GCM1: variants seen among roughly 807,000 people sequenced by gnomAD.
GCM1 encodes the protein chorion-specific transcription factor GCMa.
In GCM1, 2 loss-of-function variants were observed where a neutral mutation model predicts 25.7. That is an observed-to-expected ratio of 0.08 (90% CI 0.03 to 0.24). The LOEUF (loss-of-function observed/expected upper bound fraction) is 0.24. Among genes scored for constraint, GCM1 ranks in the 10% least tolerant of loss-of-function variants. GCM1 has a pLI of 1.00. For synonymous variants in GCM1, 183 were observed against 195.7 expected (o/e 0.94, Z 0.54); for missense variants, 395 against 538.7 (o/e 0.73, Z 2.64).
At chr6:53,135,372 C>G (rs1763783853) in intron 2 of GCM1, among the ~76,000 whole-genome samples, 1 of 152,234 alleles carries the variant, frequency 6.6e-6, no homozygotes, top group Non-Finnish European at 1.5e-5. Flanking sequence ...ATTTTGCTCT[C>G]TGTGCCTCTG....
rs565025520 is a variant in GCM1 at position 53,135,655 on chromosome 6, T to G, written c.76-1331A>C. ...TAGGCTGTGCCCATGCCCTACGGCTTTCAGAGACTTAGCATGGTGTAAGAA... is the reference window on the plus strand; with the variant it reads ...TAGGCTGTGCCCATGCCCTACGGCTGTCAGAGACTTAGCATGGTGTAAGAA... On this transcript the variant is annotated intron_variant, in intron 2 of 5. Coordinates refer to ENST00000259803, the MANE Select transcript of GCM1 (RefSeq NM_003643.4). Among the ~76,000 whole-genome samples the G allele has an allele frequency of 6.6e-5, 10 of 152,312 alleles. No homozygotes were observed. In the South Asian group the frequency reaches 2.1e-3, roughly 32 times the overall value.
In GCM1 at chr6:53,128,711, G is replaced by C; in HGVS notation, c.806C>G (p.Ser269Cys). 6.2e-7 allele frequency: 1 copy of C among 1,614,082 alleles called. No individual in the cohort carries two copies. ...PMKLYEKRKL[S>C]SSRTYSSGDL... ...TCCACTACTGTAGGTTCTGCTACTG[G>C]ACAATTTGCGCTTTTCATAGAGCTT... Residue 269 changes from serine (S) to cysteine (C), a missense_variant, in exon 6 of 6, where the codon TCC (serine) becomes TGC (cysteine). Transcript: ENST00000259803.
chr6:53,138,363 A>G (rs971358135), intron 2 of GCM1, among the ~76,000 whole-genome samples: 1 of 151,840 alleles, frequency 6.6e-6, no homozygotes, highest in Non-Finnish European at 1.5e-5. Flanking sequence ...ACTCACATCA[A>G]GCTAGTCTCT....
At chr6:53,142,231 G>T (rs922683705) in intron 2 of GCM1, among the ~76,000 whole-genome samples, 9 of 152,014 alleles carry the variant, frequency 5.9e-5, no homozygotes, top group Admixed American at 5.9e-4. Context: ...TGAAATTAGA[G>T]AAATTTATAA....
intron 2 of GCM1, among the ~76,000 whole-genome samples, chr6:53,143,853 G>A (rs1763914867): frequency 6.6e-6 from 1 of 151,680 alleles, no homozygotes; most frequent in African/African-American, 2.4e-5. Flanking sequence ...AGGGGGTGGG[G>A]TTGGAAGTTA....
In GCM1 at chr6:53,138,820, C is replaced by T. The variant is rs549042616; in HGVS notation, c.76-4496G>A. Among the ~76,000 whole-genome samples the T allele has an allele frequency of 3.3e-5, 5 of 152,230 alleles. No homozygotes were observed. In the South Asian group the frequency reaches 8.3e-4, roughly 25 times the overall value. ...ACTTCTGGGTATAATTTTTTACTAA[C>T]AGATTTAATCCTCTAACTCAATCAA... On this transcript the variant is annotated intron_variant, in intron 2 of 5. Coordinates refer to ENST00000259803, the MANE Select transcript of GCM1 (RefSeq NM_003643.4).
At chr6:53,145,320 G>T (rs1763938874) in intron 2 of GCM1, among the ~76,000 whole-genome samples, 2 of 152,186 alleles carry the variant, frequency 1.3e-5, no homozygotes, top group African/African-American at 4.8e-5. Context: ...GAGAAGGGAA[G>T]TAGAAATTTC....
At position 53,141,927 on chromosome 6, in the gene GCM1, C is replaced by A. The variant is rs544698059; in HGVS notation, c.75+3631G>T. Among the ~76,000 whole-genome samples, 239 of 131,558 alleles carry A rather than the reference C, an allele frequency of 1.8e-3. 1 individual carries two copies. Among genetic ancestry groups the A allele is most frequent in the African/African-American group, 6.7e-3 (236 of 35,252 alleles). 86.3% of individuals were successfully genotyped at this position (131,558 alleles called of 152,430 possible). ...GCTGGGTTGAGAGAATCACCTAAGC[C>A]CGGGAATTCAAGGCTGTGGTGAGCT... On this transcript the variant is annotated intron_variant, in intron 2 of 5. Transcript: ENST00000259803.
Position 53,128,108 on chromosome 6 carries a change from T to C in GCM1, c.*98A>G, listed in dbSNP as rs1396618553. ...GTCTACTGCTTATCATGATTCTCAT[T>C]TATCTGTGGTTATGTTTTAAAAATT... On this transcript the variant is annotated 3_prime_UTR_variant, in exon 6 of 6. Coordinates refer to ENST00000259803, the MANE Select transcript of GCM1 (RefSeq NM_003643.4). 6 of 810,850 alleles carry C rather than the reference T, an allele frequency of 7.4e-6. No individual in the cohort carries two copies. Among genetic ancestry groups the C allele is most frequent in the Non-Finnish European group, 1.2e-5 (6 of 510,396 alleles). The allele number at this position is 810,850 out of a possible 1,614,324, so 50.2% of individuals were successfully genotyped here.
chr6:53,128,758 C>T lies in GCM1; in HGVS notation c.759G>A (p.Gln253=). Residue 253 remains glutamine (Q), a synonymous_variant, in exon 6 of 6, where the codon CAG becomes CAA. Transcript: ENST00000259803. ...GCTTCATGGGGTCCACAGTGGAAGT[C>T]TGGTCAGTCAGATCTGTGATTCCTC... ...GLGGITDLTD[Q]TSTVDPMKLY... 6.2e-7 allele frequency: 1 copy of T among 1,613,666 alleles called. No individual in the cohort carries two copies. Among genetic ancestry groups the T allele is most frequent in the Non-Finnish European group, 8.5e-7 (1 of 1,179,558 alleles).
chr6:53,143,103 C>T (rs1294593792), intron 2 of GCM1, among the ~76,000 whole-genome samples: 1 of 152,148 alleles, frequency 6.6e-6, no homozygotes, highest in Non-Finnish European at 1.5e-5. Flanking sequence ...GGTATTCTCT[C>T]TACTCAGAAA....
rs1189038150 is a variant in GCM1 at position 53,128,563 on chromosome 6, A to G, written c.954T>C (p.Phe318=). 1 of 1,613,888 alleles carries G rather than the reference A, an allele frequency of 6.2e-7. No individual in the cohort carries two copies. Among genetic ancestry groups the G allele is most frequent in the African/African-American group, 1.3e-5 (1 of 74,904 alleles). Residue 318 remains phenylalanine (F), a synonymous_variant, in exon 6 of 6, where the codon TTT becomes TTC. Coordinates refer to ENST00000259803, the MANE Select transcript of GCM1 (RefSeq NM_003643.4). ...AGCTGCAAGGCCAGCTGGTCAGAGG[A>G]AAAGGATAATTGGAATAACAGTTGT... is the stretch of plus-strand genomic sequence containing the variant. ...LADNCYSNYP[F]PLTSWPCSFS...
At position 53,145,692 on chromosome 6, in the gene GCM1, A is replaced by G. The variant is rs376763700; in HGVS notation, c.-60T>C. 9.3e-5 allele frequency: 90 copies of G among 964,466 alleles called. No individual in the cohort carries two copies. In the African/African-American group the frequency reaches 1.1e-3, roughly 12 times the overall value. The allele number at this position is 964,466 out of a possible 1,614,324, so 59.7% of individuals were successfully genotyped here. A position where few individuals can be genotyped will look rare whatever the true frequency, so the allele number is the denominator to read the frequency against. ...CGACTCCCCTCAGAAATGCTTGAGAATTTTGTTCTCAAAGGTTCTTGATAT... is the reference window on the plus strand; with the variant it reads ...CGACTCCCCTCAGAAATGCTTGAGAGTTTTGTTCTCAAAGGTTCTTGATAT... On this transcript the variant is annotated 5_prime_UTR_variant, in exon 2 of 6. Coordinates refer to ENST00000259803, the MANE Select transcript of GCM1 (RefSeq NM_003643.4).
chr6:53,141,158 CCAGAAGATCATGAGCATTTCCA>C (rs1192628609), intron 2 of GCM1, among the ~76,000 whole-genome samples: 42 of 152,234 alleles, frequency 2.8e-4, no homozygotes, highest in African/African-American at 9.6e-4. Flanking sequence ...TTCCACTAGC[CCAGAAGATCATGAGCATTTCCA>C]CAGAAGTTAA....
chr6:53,137,206 G>A (rs967859662), intron 2 of GCM1, among the ~76,000 whole-genome samples: 1 of 152,106 alleles, frequency 6.6e-6, no homozygotes, highest in Non-Finnish European at 1.5e-5. Context: ...ATTCCCGGAT[G>A]GCCAGGCCAG....
chr6:53,137,109 G>A (rs1396369281), intron 2 of GCM1, among the ~76,000 whole-genome samples: 2 of 152,206 alleles, frequency 1.3e-5, no homozygotes, highest in Non-Finnish European at 2.9e-5. Context: ...TGTAACTACT[G>A]TGGTTTGGGA....
At chr6:53,133,536 G>T (rs2127508603) in intron 3 of GCM1, among the ~76,000 whole-genome samples, 1 of 152,096 alleles carries the variant, frequency 6.6e-6, no homozygotes, top group South Asian at 2.1e-4. Context: ...CTATTGTGCG[G>T]CCTGGAGTGC....
rs1382045955 is a variant in GCM1 at position 53,145,668 on chromosome 6, G to C, written c.-36C>G. ...GGCCAGCCAAGGTTTTCACCTATTC[G>C]ACTCCCCTCAGAAATGCTTGAGAAT... is the stretch of plus-strand genomic sequence containing the variant. On this transcript the variant is annotated 5_prime_UTR_variant, in exon 2 of 6. Transcript: ENST00000259803. 3 of 1,175,092 alleles carry C rather than the reference G, an allele frequency of 2.6e-6. No homozygotes were observed. Among genetic ancestry groups the C allele is most frequent in the Non-Finnish European group, 1.3e-6 (1 of 782,522 alleles). The allele number at this position is 1,175,092 out of a possible 1,614,324, so 72.8% of individuals were successfully genotyped here. A position where few individuals can be genotyped will look rare whatever the true frequency, so the allele number is the denominator to read the frequency against.
intron 2 of GCM1, among the ~76,000 whole-genome samples, chr6:53,136,900 T>C (rs763220207): frequency 6.6e-5 from 10 of 151,796 alleles, no homozygotes; most frequent in East Asian, 1.9e-4. Context: ...CTCTTGAACC[T>C]GGGAGGTGGA....
Sources: gnomAD v4.1 joint callset for allele counts (sites outside exome capture counted in the v4.1 genomes callset) on GRCh38, gnomAD v4.1.1 for gene constraint, MANE v1.5 for transcripts, NCBI Gene and HGNC (gene_info 2026-07-23, HGNC 2026-07-21) for gene names.